Variants in CAMK4 observed in about 807,000 individuals in gnomAD.
CAMK4 encodes calcium/calmodulin dependent protein kinase IV.
A neutral mutation model predicts 44.9 loss-of-function variants in CAMK4; 22 were observed. The ratio of observed to expected loss-of-function variants is 0.49; its 90% CI spans 0.35 to 0.70. The LOEUF (loss-of-function observed/expected upper bound fraction) is 0.70. CAMK4 is among the 30% of genes least tolerant of loss of function. CAMK4 has a pLI of 0.01. For synonymous variants in CAMK4, 218 were observed against 215.4 expected, an observed-to-expected ratio of 1.01 and a Z score of -0.11; for missense variants, 498 against 586.8, an observed-to-expected ratio of 0.85 and a Z score of 1.56.
chr5:111,250,740 CCATTTATCCTCTA>C (rs1310734164), intron 1 of CAMK4, among the ~76,000 whole-genome samples: 11 of 152,040 alleles, frequency 7.2e-5, no homozygotes, highest in Admixed American at 2.6e-4. Flanking sequence ...TTTCTGACAT[CCATTTATCCTCTA>C]CATTTCCTGC....
intron 4 of CAMK4, among the ~76,000 whole-genome samples, chr5:111,388,383 C>G (rs977448905): frequency 2.0e-5 from 3 of 152,160 alleles, no homozygotes; most frequent in Non-Finnish European, 4.4e-5. Flanking sequence ...GAGCCCAAAT[C>G]TTATTCTGTT....
intron 4 of CAMK4, among the ~76,000 whole-genome samples, chr5:111,377,428 A>C (rs1389791346): frequency 6.7e-6 from 1 of 149,834 alleles, no homozygotes; most frequent in Non-Finnish European, 1.5e-5. Flanking sequence ...GTTGCAAAGT[A>C]AACATGTTCT....
chr5:111,420,210 G>T (rs1157754936), intron 5 of CAMK4, among the ~76,000 whole-genome samples: 1 of 152,064 alleles, frequency 6.6e-6, no homozygotes, highest in East Asian at 1.9e-4. Context: ...AAGCAATTGT[G>T]AATGGGAGTT....
At chr5:111,281,535 C>T (rs1751017461) in intron 1 of CAMK4, among the ~76,000 whole-genome samples, 2 of 152,108 alleles carry the variant, frequency 1.3e-5, no homozygotes, top group Non-Finnish European at 2.9e-5. Flanking sequence ...AAGAGAATAG[C>T]ATTTCAGGAG....
intron 2 of CAMK4, chr5:111,365,232 C>T (rs1188272166): frequency 6.6e-6 from 1 of 151,908 alleles, no homozygotes; most frequent in Non-Finnish European, 1.5e-5. Flanking sequence ...TACTAGTGGA[C>T]CATAGAATCT....
intron 6 of CAMK4, among the ~76,000 whole-genome samples, chr5:111,447,745 C>T (rs1186187531): frequency 1.3e-5 from 2 of 152,164 alleles, no homozygotes; most frequent in African/African-American, 4.8e-5. Flanking sequence ...GATGTTAACA[C>T]CTTTAACAAT....
At chr5:111,271,257 T>C (rs530966143) in intron 1 of CAMK4, among the ~76,000 whole-genome samples, 1 of 152,292 alleles carries the variant, frequency 6.6e-6, no homozygotes, top group East Asian at 1.9e-4. Context: ...GGATAAGCCA[T>C]TTATGACATT....
In CAMK4 at chr5:111,390,286, C is replaced by G. The variant is rs113493995; in HGVS notation, c.387-4424C>G. Among the ~76,000 whole-genome samples the G allele has an allele frequency of 9.7e-3, 1,476 of 152,168 alleles. 24 individuals carry two copies. Among genetic ancestry groups the G allele is most frequent in the African/African-American group, 0.033 (1,374 of 41,522 alleles). On this transcript the variant is annotated intron_variant, in intron 4 of 10. Transcript: ENST00000282356. ...AAAATGAGGTAATTGAAATTTTTGC[C>G]TCAATATATTGTTTCTGAATTTTAA...
At chr5:111,327,123 G>T (rs1424218602) in intron 1 of CAMK4, among the ~76,000 whole-genome samples, 1 of 151,190 alleles carries the variant, frequency 6.6e-6, no homozygotes. Context: ...TCGTCATTTA[G>T]CATTAGGTAT....
At chr5:111,383,813 A>G (rs1355546203) in intron 4 of CAMK4, among the ~76,000 whole-genome samples, 1 of 152,116 alleles carries the variant, frequency 6.6e-6, no homozygotes, top group Non-Finnish European at 1.5e-5. Flanking sequence ...ACAACCATTC[A>G]GCAATGAAAA....
intron 5 of CAMK4, among the ~76,000 whole-genome samples, chr5:111,435,989 TTTATC>T (rs1753632162): frequency 6.6e-6 from 1 of 152,226 alleles, no homozygotes; most frequent in Admixed American, 6.5e-5. Flanking sequence ...TTTATATACT[TTTATC>T]CTGTCAGCAT....
chr5:111,477,097 CGTT>C (rs1390871130), intron 8 of CAMK4, among the ~76,000 whole-genome samples: 3 of 152,160 alleles, frequency 2.0e-5, no homozygotes, highest in Non-Finnish European at 2.9e-5. Flanking sequence ...CAGACTCTCT[CGTT>C]GTCAGGGTGA....
At chr5:111,256,516 C>A (rs1364403163) in intron 1 of CAMK4, among the ~76,000 whole-genome samples, 1 of 151,994 alleles carries the variant, frequency 6.6e-6, no homozygotes, top group Non-Finnish European at 1.5e-5. Context: ...TGTAGGACTT[C>A]TTTATACTAG....
At chr5:111,380,607 A>G (rs1751377884) in intron 4 of CAMK4, among the ~76,000 whole-genome samples, 1 of 152,170 alleles carries the variant, frequency 6.6e-6, no homozygotes, top group South Asian at 2.1e-4. Flanking sequence ...AATTGAGAAC[A>G]TGCGGTATTT....
At chr5:111,301,090 C>A (rs1272551003) in intron 1 of CAMK4, among the ~76,000 whole-genome samples, 1 of 149,694 alleles carries the variant, frequency 6.7e-6, no homozygotes. Context: ...TTTTTTTTTT[C>A]ATCAGCCCTG....
In CAMK4 at chr5:111,287,626, T is replaced by C. The variant is rs575297949; in HGVS notation, c.162-56398T>C. 3.9e-5 allele frequency among the ~76,000 whole-genome samples: 6 copies of C among 152,354 alleles called. No homozygotes were observed. The East Asian group carries it at 1.2e-3, about 29-fold the overall frequency. On this transcript the variant is annotated intron_variant, in intron 1 of 10. Coordinates refer to ENST00000282356, the MANE Select transcript of CAMK4 (RefSeq NM_001744.6). The stretch of plus-strand genomic sequence containing the variant: ...CAAAATGTTTTTGCATCCTGTTTCA[T>C]ATTTAATACTTTAAAAAGTGTTGGT...
intron 7 of CAMK4, among the ~76,000 whole-genome samples, chr5:111,469,379 G>A (rs1312868664): frequency 1.3e-5 from 2 of 151,376 alleles, no homozygotes; most frequent in Non-Finnish European, 2.9e-5. Context: ...CTTCACTGTG[G>A]GACATTTAAC....
chr5:111,277,219 T>G (rs572049990), intron 1 of CAMK4, among the ~76,000 whole-genome samples: 6 of 152,348 alleles, frequency 3.9e-5, no homozygotes, highest in Non-Finnish European at 8.8e-5. Context: ...ATCCTTGAGA[T>G]GTCAACTGTG....
chr5:111,457,104 T>A (rs1249839725), intron 7 of CAMK4, among the ~76,000 whole-genome samples: 1 of 152,224 alleles, frequency 6.6e-6, no homozygotes, highest in Non-Finnish European at 1.5e-5. Context: ...TCAGGGGAAT[T>A]CAAGTTTCTT....
Sources: allele counts gnomAD v4.1 joint callset (sites outside exome capture counted in the v4.1 genomes callset), GRCh38; gene constraint gnomAD v4.1.1; transcripts MANE v1.5; gene names NCBI Gene and HGNC (gene_info 2026-07-23, HGNC 2026-07-21).